Variants in RBFOX2 observed in about 807,000 individuals in gnomAD.
The protein encoded by RBFOX2 is RNA binding protein fox-1 homolog 2.
In RBFOX2, 10 loss-of-function variants were observed where a neutral mutation model predicts 49.1. That is an observed-to-expected ratio of 0.20 (90% CI 0.13 to 0.35). RBFOX2 has a LOEUF of 0.35. Among genes scored for constraint, RBFOX2 ranks in the 10% least tolerant of loss-of-function variants. The pLI, the probability that RBFOX2 is intolerant of heterozygous loss-of-function variation, is 1.00. For synonymous variants in RBFOX2, 183 were observed against 187.4 expected, an observed-to-expected ratio of 0.98 and a Z score of 0.19; for missense variants, 323 against 486.9, an observed-to-expected ratio of 0.66 and a Z score of 3.17.
intron 1 of RBFOX2, among the ~76,000 whole-genome samples, chr22:35,823,715 T>A (rs1955018106): frequency 6.6e-6 from 1 of 152,188 alleles, no homozygotes; most frequent in African/African-American, 2.4e-5. Context: ...AACTCGAAGA[T>A]TTATTAAAAG....
chr22:35,792,356 AAAAG>A (rs1373908436), intron 2 of RBFOX2, among the ~76,000 whole-genome samples: 4 of 140,116 alleles, frequency 2.9e-5, no homozygotes, highest in Non-Finnish European at 6.1e-5. Flanking sequence ...AAAAGAAAAG[AAAAG>A]AAAAGAAAAA....
upstream of RBFOX2, among the ~76,000 whole-genome samples, chr22:35,963,059 C>CAAAAA (rs34027896): frequency 1.5e-3 from 50 of 33,566 alleles, no homozygotes; most frequent in East Asian, 2.0e-3. Context: ...AACTCTCCAG[C>CAAAAA]AAAAAAAAAA....
chr22:35,877,033 G>A (rs1475428511), intron 1 of RBFOX2, among the ~76,000 whole-genome samples: 1 of 152,120 alleles, frequency 6.6e-6, no homozygotes, highest in Non-Finnish European at 1.5e-5. Flanking sequence ...AGGAGTAGGA[G>A]TACTTTCAAG....
chr22:35,873,843 AT>A (rs978850981), intron 1 of RBFOX2, among the ~76,000 whole-genome samples: 3 of 151,796 alleles, frequency 2.0e-5, no homozygotes, highest in Middle Eastern at 3.2e-3. Context: ...CGCCCAGCTA[AT>A]TTTTTTTGTT....
chr22:35,791,489 C>G (rs73412000), intron 2 of RBFOX2, among the ~76,000 whole-genome samples: 1 of 151,722 alleles, frequency 6.6e-6, no homozygotes, highest in African/African-American at 2.4e-5. Context: ...TATACAGGCA[C>G]GAGTGTAAAC....
chr22:35,975,794 A>G (rs990209466), intron 1 of RBFOX2, among the ~76,000 whole-genome samples: 4 of 152,154 alleles, frequency 2.6e-5, no homozygotes, highest in Non-Finnish European at 4.4e-5. Flanking sequence ...GACCCAACAT[A>G]TATTCCAATT....
intron 1 of RBFOX2, among the ~76,000 whole-genome samples, chr22:35,989,175 G>A (rs1249842344): frequency 6.6e-6 from 1 of 152,232 alleles, no homozygotes; most frequent in African/African-American, 2.4e-5. Flanking sequence ...CAATTTGGAA[G>A]TTGTCAGCAT....
At chr22:35,801,717 CG>C (rs1383884619) in intron 2 of RBFOX2, among the ~76,000 whole-genome samples, 2 of 152,058 alleles carry the variant, frequency 1.3e-5, no homozygotes, top group Admixed American at 1.3e-4. Context: ...CCTAGCTACT[CG>C]GGAGGCTAAG....
At chr22:35,833,749 C>T (rs1263759491) in intron 1 of RBFOX2, among the ~76,000 whole-genome samples, 1 of 152,096 alleles carries the variant, frequency 6.6e-6, no homozygotes, top group South Asian at 2.1e-4. Context: ...GAGCCAAACT[C>T]CTTGGGTTTC....
rs139176376 is a variant in RBFOX2 at position 35,919,051 on chromosome 22, A to C, written c.-34+19796T>G. Among the ~76,000 whole-genome samples the C allele has an allele frequency of 3.3e-4, 51 of 152,388 alleles. No individual in the cohort carries two copies. In the East Asian group the frequency reaches 8.1e-3, roughly 24 times the overall value. ...AATGAAGTATTATTTAGCAATTAAA[A>C]AATGAAGTACTGCTATAACATGGAT... On this transcript the variant is annotated intron_variant, in intron 1 of 13. Coordinates refer to the RBFOX2 transcript ENST00000359369.
At chr22:35,859,668 A>G (rs1262906966) in intron 1 of RBFOX2, among the ~76,000 whole-genome samples, 2 of 152,228 alleles carry the variant, frequency 1.3e-5, no homozygotes, top group Non-Finnish European at 2.9e-5. Context: ...GCAAGGAATT[A>G]GCAGTTTTGT....
chr22:35,959,163 T>C (rs1194492050), intron 1 of RBFOX2, among the ~76,000 whole-genome samples: 1 of 152,156 alleles, frequency 6.6e-6, no homozygotes, highest in African/African-American at 2.4e-5. Flanking sequence ...GCCAGTGACA[T>C]ATGCAGGCAC....
chr22:35,781,767 T>C, intron 2 of RBFOX2, 21 bp from the exon 4 acceptor site: 1 of 1,613,402 alleles, frequency 6.2e-7, no homozygotes, highest in Non-Finnish European at 8.5e-7. Flanking sequence ...AAATAAAGAA[T>C]GAAAAATATA....
chr22:35,943,043 T>A (rs1180066103), upstream of RBFOX2, among the ~76,000 whole-genome samples: 4 of 152,226 alleles, frequency 2.6e-5, no homozygotes, highest in African/African-American at 9.6e-5. Context: ...TTGCTCATAA[T>A]CAAATAACTA....
upstream of RBFOX2, among the ~76,000 whole-genome samples, chr22:35,942,912 T>G (rs986220135): frequency 6.6e-6 from 1 of 152,202 alleles, no homozygotes; most frequent in Non-Finnish European, 1.5e-5. Flanking sequence ...CAGTGTTTCT[T>G]ACTGCTTTAT....
chr22:35,773,861 C>A (rs1257574660), intron 4 of RBFOX2, among the ~76,000 whole-genome samples: 1 of 151,904 alleles, frequency 6.6e-6, no homozygotes, highest in Non-Finnish European at 1.5e-5. Flanking sequence ...AAAGTCTGAC[C>A]CACAATGGAA....
chr22:35,752,533 G>T, intron 9 of RBFOX2: 2 of 796,834 alleles, frequency 2.5e-6, no homozygotes, highest in Non-Finnish European at 3.0e-6. Flanking sequence ...CTAACGTGGA[G>T]CTGGAATGGT....
At chr22:36,010,161 C>A (rs1427309046) in intron 1 of RBFOX2, among the ~76,000 whole-genome samples, 1 of 152,136 alleles carries the variant, frequency 6.6e-6, no homozygotes, top group Non-Finnish European at 1.5e-5. Context: ...TCCCACCTAT[C>A]AGCAGCCACC....
chr22:35,931,251 CAG>C (rs890037379), intron 1 of RBFOX2, among the ~76,000 whole-genome samples: 3 of 137,590 alleles, frequency 2.2e-5, no homozygotes, highest in Non-Finnish European at 3.1e-5. Context: ...GACAACCTAA[CAG>C]GGGGGAAAAA....
Sources: allele counts gnomAD v4.1 joint callset (sites outside exome capture counted in the v4.1 genomes callset), GRCh38; gene constraint gnomAD v4.1.1; transcripts MANE v1.5; gene names NCBI Gene and HGNC (gene_info 2026-07-23, HGNC 2026-07-21).